Variants in TNKS observed in about 807,000 individuals in gnomAD.
TNKS encodes the protein poly [ADP-ribose] polymerase tankyrase-1.
A neutral mutation model predicts 135.8 loss-of-function variants in TNKS; 72 were observed. The ratio of observed to expected loss-of-function variants is 0.53; its 90% CI spans 0.44 to 0.64. The LOEUF (loss-of-function observed/expected upper bound fraction) is 0.64, where lower values mean the gene tolerates loss of function less well. Ranked by LOEUF, TNKS falls within the 30% of genes least tolerant of loss-of-function variation. The pLI is 0.00. For synonymous variants in TNKS, 849 were observed against 649.3 expected, an observed-to-expected ratio of 1.31 and a Z score of -4.68; for missense variants, 1,769 against 1,674.0, an observed-to-expected ratio of 1.06 and a Z score of -0.99.
intron 3 of TNKS, among the ~76,000 whole-genome samples, chr8:9,664,721 TAAAA>T (rs1397166098): frequency 6.6e-6 from 1 of 152,076 alleles, no homozygotes; most frequent in Non-Finnish European, 1.5e-5. Context: ...GATCAGAAAA[TAAAA>T]AACGCATGCA....
intron 3 of TNKS, among the ~76,000 whole-genome samples, chr8:9,635,070 T>A (rs1486165419): frequency 6.6e-6 from 1 of 151,246 alleles, no homozygotes; most frequent in African/African-American, 2.4e-5. Context: ...CTCGGGAGGC[T>A]GAGGCCGGAG....
chr8:9,664,897 C>A (rs1015794971), intron 3 of TNKS, among the ~76,000 whole-genome samples: 1 of 152,198 alleles, frequency 6.6e-6, no homozygotes. Context: ...CATTTCTATA[C>A]CATATCCCTA....
chr8:9,711,326 G>T (rs1467449702), intron 11 of TNKS, among the ~76,000 whole-genome samples: 3 of 152,200 alleles, frequency 2.0e-5, no homozygotes, highest in Non-Finnish European at 2.9e-5. Context: ...GTAAGAGTGG[G>T]ACTTGTTAGT....
At position 9,641,282 on chromosome 8, in the gene TNKS, A is replaced by T. The variant is rs1319356620; in HGVS notation, c.994+25605A>T. Among the ~76,000 whole-genome samples, 7 of 133,756 alleles carry T rather than the reference A, an allele frequency of 5.2e-5. 1 individual carries two copies. The highest frequency in any genetic ancestry group is 2.3e-4 in the East Asian group (1 of 4,396). The allele number at this position is 133,756 out of a possible 152,430, so 87.7% of individuals were successfully genotyped here. On this transcript the variant is annotated intron_variant, in intron 3 of 26. Coordinates refer to ENST00000310430, the MANE Select transcript of TNKS (RefSeq NM_003747.3). ...TATATATGCATATGCTCAATTCAGA[A>T]TTTTTTTTTTTTTTTTACCACTTGA...
intron 3 of TNKS, among the ~76,000 whole-genome samples, chr8:9,671,681 C>G (rs1006119917): frequency 6.6e-6 from 1 of 152,088 alleles, no homozygotes; most frequent in African/African-American, 2.4e-5. Flanking sequence ...GTGTAGTGTT[C>G]ACACAGCTGT....
chr8:9,703,135 C>T (rs540447705), intron 5 of TNKS, among the ~76,000 whole-genome samples: 1 of 152,224 alleles, frequency 6.6e-6, no homozygotes, highest in Admixed American at 6.5e-5. Flanking sequence ...CCTGAAGCCT[C>T]GGATAGTACC....
At chr8:9,584,773 A>G (rs1047526968) in intron 2 of TNKS, among the ~76,000 whole-genome samples, 15 of 152,178 alleles carry the variant, frequency 9.9e-5, no homozygotes, top group Admixed American at 4.6e-4. Flanking sequence ...ATTCTCTACA[A>G]TTCTCAAGAG....
At chr8:9,709,628 T>G (rs994578723) in intron 9 of TNKS, among the ~76,000 whole-genome samples, 1 of 152,196 alleles carries the variant, frequency 6.6e-6, no homozygotes, top group Non-Finnish European at 1.5e-5. Flanking sequence ...AACTTAGTTA[T>G]AGATTTCTGT....
chr8:9,634,740 G>A (rs933425167), intron 3 of TNKS, among the ~76,000 whole-genome samples: 1 of 152,134 alleles, frequency 6.6e-6, no homozygotes, highest in Admixed American at 6.5e-5. Flanking sequence ...CCCAATAGCA[G>A]TGGAGCACAC....
intron 2 of TNKS, among the ~76,000 whole-genome samples, chr8:9,584,916 G>GC (rs1798311063): frequency 6.6e-6 from 1 of 152,108 alleles, no homozygotes; most frequent in Middle Eastern, 3.2e-3. Context: ...ACGCATGTGG[G>GC]ATTGTCACTG....
chr8:9,771,013 A>T (rs995428863), intron 26 of TNKS, among the ~76,000 whole-genome samples: 2 of 152,150 alleles, frequency 1.3e-5, no homozygotes, highest in African/African-American at 4.8e-5. Flanking sequence ...GTGGACTGAA[A>T]TTGGAAGTAT....
At chr8:9,728,755 T>C (rs898440920) in intron 13 of TNKS, among the ~76,000 whole-genome samples, 8 of 152,316 alleles carry the variant, frequency 5.3e-5, no homozygotes, top group Admixed American at 5.2e-4. Flanking sequence ...TTTGACCTGG[T>C]CACATTACAA....
At chr8:9,593,279 G>C (rs1327502355) in intron 2 of TNKS, among the ~76,000 whole-genome samples, 4 of 152,212 alleles carry the variant, frequency 2.6e-5, no homozygotes, top group African/African-American at 9.6e-5. Flanking sequence ...AGATGATTCA[G>C]ATTACCTACC....
intron 3 of TNKS, among the ~76,000 whole-genome samples, chr8:9,616,770 A>T (rs1799660589): frequency 6.6e-6 from 1 of 152,232 alleles, no homozygotes; most frequent in Non-Finnish European, 1.5e-5. Flanking sequence ...GCTGGATAAC[A>T]GTAACATACA....
intron 5 of TNKS, among the ~76,000 whole-genome samples, chr8:9,689,855 T>C (rs1468674713): frequency 6.6e-6 from 1 of 152,222 alleles, no homozygotes; most frequent in African/African-American, 2.4e-5. Context: ...GATTCCCTCC[T>C]ATGTAATTAT....
chr8:9,772,829 GTC>G (rs753942783), intron 26 of TNKS, among the ~76,000 whole-genome samples: 5,573 of 43,040 alleles, frequency 0.13, 218 homozygotes, highest in Admixed American at 0.24. Context: ...GTGTGTGTGT[GTC>G]TGTGTGTGTG....
chr8:9,664,882 C>T (rs984824492), intron 3 of TNKS, among the ~76,000 whole-genome samples: 4 of 152,228 alleles, frequency 2.6e-5, no homozygotes, highest in African/African-American at 9.6e-5. Flanking sequence ...TATATTACTA[C>T]ACGGCATTTC....
chr8:9,757,414 G>T (rs906343517), intron 20 of TNKS, among the ~76,000 whole-genome samples: 1 of 152,064 alleles, frequency 6.6e-6, no homozygotes, highest in African/African-American at 2.4e-5. Flanking sequence ...AGTACTTAAG[G>T]TCCCTCAAAT....
At chr8:9,561,860 A>G (rs4841172) in intron 1 of TNKS, among the ~76,000 whole-genome samples, 1 of 152,068 alleles carries the variant, frequency 6.6e-6, no homozygotes, top group Non-Finnish European at 1.5e-5. Flanking sequence ...CTTGTTGCCC[A>G]GGCTGTCGTA....
Sources: allele counts gnomAD v4.1 joint callset (sites outside exome capture counted in the v4.1 genomes callset), GRCh38; gene constraint gnomAD v4.1.1; transcripts MANE v1.5; gene names NCBI Gene and HGNC (gene_info 2026-07-23, HGNC 2026-07-21).